Variants in RFC1 observed in about 807,000 individuals in gnomAD.
RFC1 encodes the protein A1 140 kDa subunit.
In RFC1, 37 loss-of-function variants were observed where a neutral mutation model predicts 137.4. The ratio of observed to expected loss-of-function variants is 0.27; its 90% CI spans 0.21 to 0.35. The LOEUF is 0.35. Ranked by LOEUF, RFC1 falls within the 10% of genes least tolerant of loss-of-function variation. The pLI is 1.00. For synonymous variants in RFC1, 429 were observed against 455.7 expected, an observed-to-expected ratio of 0.94 and a Z score of 0.75; for missense variants, 1,205 against 1,358.5, an observed-to-expected ratio of 0.89 and a Z score of 1.78.
At chr4:39,352,349 A>G (rs1477830666) in intron 1 of RFC1, among the ~76,000 whole-genome samples, 2 of 152,232 alleles carry the variant, frequency 1.3e-5, no homozygotes, top group Admixed American at 6.5e-5. Context: ...ATGCTCTTTA[A>G]TTACCCGTGT....
rs17335013 is a variant in RFC1, at chr4:39,318,639, CTT to C, written c.1096-1619_1096-1618del. 8.1e-4 allele frequency among the ~76,000 whole-genome samples: 123 copies of C among 152,320 alleles called. 1 individual carries two copies. Among genetic ancestry groups the C allele is most frequent in the African/African-American group, 2.6e-3 (107 of 41,582 alleles). On this transcript the variant is annotated intron_variant, in intron 9 of 24. Coordinates refer to ENST00000349703, the MANE Select transcript of RFC1 (RefSeq NM_002913.5). ...GAAGAGTATCATTTAAAGATTTCCT[CTT>C]TCTTCATAAAAACAGACTGCCTCTG...
intron 23 of RFC1, among the ~76,000 whole-genome samples, chr4:39,291,366 G>C (rs1346685385): frequency 6.6e-6 from 1 of 152,086 alleles, no homozygotes; most frequent in African/African-American, 2.4e-5. Flanking sequence ...CCTTTATAAA[G>C]AATATATTTA....
Position 39,366,308 on chromosome 4 carries a change from C to T in RFC1, c.-67G>A, listed in dbSNP as rs543655175. The T allele has an allele frequency of 4.1e-6, 6 of 1,463,132 alleles. No individual in the cohort carries two copies. The highest frequency in any genetic ancestry group is 1.3e-5 in the South Asian group (1 of 76,088). The allele number at this position is 1,463,132 out of a possible 1,614,324, so 90.6% of individuals were successfully genotyped here. ...CCGGTTGAGGAATCTGTTATCGAGG[C>T]TCAGGATCCATTCGCGCCAACAACT... On this transcript the variant is annotated 5_prime_UTR_variant, in exon 1 of 25. Coordinates refer to ENST00000349703, the MANE Select transcript of RFC1 (RefSeq NM_002913.5).
At chr4:39,330,472 C>T (rs1740039562) in intron 4 of RFC1, among the ~76,000 whole-genome samples, 1 of 152,038 alleles carries the variant, frequency 6.6e-6, no homozygotes, top group Admixed American at 6.5e-5. Flanking sequence ...ATTTACAGCT[C>T]ACCCCTCCCT....
chr4:39,305,396 C>G (rs1277889818), intron 14 of RFC1, among the ~76,000 whole-genome samples: 1 of 152,040 alleles, frequency 6.6e-6, no homozygotes, highest in Non-Finnish European at 1.5e-5. Flanking sequence ...TAATTGAGGT[C>G]AGGAGTTTGA....
chr4:39,305,885 A>G (rs890484450), intron 14 of RFC1, among the ~76,000 whole-genome samples: 8 of 152,236 alleles, frequency 5.3e-5, no homozygotes, highest in African/African-American at 1.9e-4. Flanking sequence ...GTTTATAAAC[A>G]CAGTGGAAAC....
At chr4:39,330,622 A>T (rs993997320) in intron 4 of RFC1, among the ~76,000 whole-genome samples, 1 of 152,200 alleles carries the variant, frequency 6.6e-6, no homozygotes, top group Non-Finnish European at 1.5e-5. Context: ...TGTACAAACC[A>T]AGGTGCAAAA....
At chr4:39,295,131 A>G (rs987166427) in intron 22 of RFC1, among the ~76,000 whole-genome samples, 4 of 152,234 alleles carry the variant, frequency 2.6e-5, no homozygotes, top group African/African-American at 9.6e-5. Flanking sequence ...TTCCAAGCAC[A>G]TTCATTTTCA....
rs28903096 is a variant in RFC1 at position 39,304,910 on chromosome 4, C to T, written c.2014G>A (p.Val672Met). Residue 672 changes from valine (V) to methionine (M), a missense_variant, in exon 15 of 25, where the codon GTG becomes ATG. By Grantham distance (21) the Val-to-Met change is conservative. Around this residue, in one of 3 missense-constraint regions of RFC1, gnomAD observed 962 missense variants for 1,035.3 expected, o/e 0.93. Coordinates refer to ENST00000349703, the MANE Select transcript of RFC1 (RefSeq NM_002913.5). ...CGGGTGTCACTTGCATTCAGTTCCA[C>T]GTAGCTGTATCCCAACTCCTAATCA... ...LVCQELGYSY[V>M]ELNASDTRSK... 33 of 1,610,436 alleles carry T rather than the reference C, an allele frequency of 2.0e-5. 1 individual carries two copies. In the Middle Eastern group the frequency reaches 1.2e-3, roughly 56 times the overall value.
intron 21 of RFC1, among the ~76,000 whole-genome samples, chr4:39,296,699 G>C (rs1372721889): frequency 7.7e-4 from 117 of 151,404 alleles, no homozygotes; most frequent in African/African-American, 2.7e-3. Flanking sequence ...TGTGAATAAT[G>C]CTGCAATAAA....
chr4:39,321,402 T>C (rs753072224), intron 7 of RFC1, 28 bp from the exon 8 acceptor site: 1 of 1,585,420 alleles, frequency 6.3e-7, no homozygotes, highest in South Asian at 1.1e-5. Flanking sequence ...GTGTCAAATG[T>C]GACAAATAAT....
chr4:39,300,197 C>CG, intron 20 of RFC1, 59 bp from the exon 21 acceptor site: 1 of 1,610,384 alleles, frequency 6.2e-7, no homozygotes, highest in Non-Finnish European at 8.5e-7. Flanking sequence ...CCCTTCTTCA[C>CG]GGGTATTTAG....
chr4:39,350,578 A>G (rs1299518579), intron 2 of RFC1, among the ~76,000 whole-genome samples: 1 of 152,236 alleles, frequency 6.6e-6, no homozygotes, highest in Non-Finnish European at 1.5e-5. Flanking sequence ...ACAGTGGAAC[A>G]TCTTTAAAAG....
chr4:39,318,878 T>C (rs954356884), intron 9 of RFC1, among the ~76,000 whole-genome samples: 8 of 152,248 alleles, frequency 5.3e-5, no homozygotes, highest in Non-Finnish European at 1.0e-4. Context: ...GGTGATATTC[T>C]GCTTTTAATC....
chr4:39,334,308 A>T (rs1740249352), intron 4 of RFC1, among the ~76,000 whole-genome samples: 1 of 152,158 alleles, frequency 6.6e-6, no homozygotes, highest in African/African-American at 2.4e-5. Context: ...AGAAAACTTG[A>T]AGAACGAGCA....
At chr4:39,295,945 AAC>A (rs1347399278) in intron 21 of RFC1, 186 bp from the exon 22 acceptor site, 12 of 478,676 alleles carry the variant, frequency 2.5e-5, no homozygotes, top group African/African-American at 2.2e-4. Flanking sequence ...CAGAGAAAAC[AAC>A]AGATTGCGGT....
At position 39,311,552 on chromosome 4, in the gene RFC1, G is replaced by A. The variant is rs1333068131; in HGVS notation, c.1384-3C>T. 2 of 1,611,470 alleles carry A rather than the reference G, an allele frequency of 1.2e-6. No homozygotes were observed. The highest frequency in any genetic ancestry group is 1.7e-6 in the Non-Finnish European group (2 of 1,178,364). Reference sequence around the variant, plus strand: ...ATTTTTGTCCCCAAGGCTGCGGCCTGTTGATTAAAAATGTAAACCATCAAA... The same window carrying A: ...ATTTTTGTCCCCAAGGCTGCGGCCTATTGATTAAAAATGTAAACCATCAAA... On this transcript the variant is annotated splice_region_variant and splice_polypyrimidine_tract_variant and intron_variant, in intron 11 of 24. Coordinates refer to ENST00000349703, the MANE Select transcript of RFC1 (RefSeq NM_002913.5).
Position 39,308,739 on chromosome 4 carries a change from C to A in RFC1, c.1782G>T (p.Ser594=), listed in dbSNP as rs777917552. 1 of 1,614,136 alleles carries A rather than the reference C, an allele frequency of 6.2e-7. No homozygotes were observed. The highest frequency in any genetic ancestry group is 1.1e-5 in the South Asian group (1 of 91,078). Residue 594 remains serine (S), a synonymous_variant, in exon 13 of 25, where the codon TCG becomes TCT. Coordinates refer to ENST00000349703, the MANE Select transcript of RFC1 (RefSeq NM_002913.5). ...LLWVDKYKPT[S]LKTIIGQQGD... ...CTTGCTGTCCAATTATGGTCTTGAG[C>A]GAGGTTGGCTTATATTTATCCACCC...
At chr4:39,351,236 G>A (rs1741176196) in intron 2 of RFC1, 112 bp downstream of exon 2, 3 of 639,092 alleles carry the variant, frequency 4.7e-6, no homozygotes, top group Non-Finnish European at 6.3e-6. Flanking sequence ...GGGCGACAGA[G>A]CAAGACTCTG....
Sources: allele counts gnomAD v4.1 joint callset (sites outside exome capture counted in the v4.1 genomes callset), GRCh38; gene constraint gnomAD v4.1.1; regional missense constraint gnomAD v4.1.1; transcripts MANE v1.5; gene names NCBI Gene and HGNC (gene_info 2026-07-23, HGNC 2026-07-21).